Variants in SCUBE1 observed in about 807,000 individuals in gnomAD.
SCUBE1 encodes the protein signal peptide, CUB domain and EGF like domain containing 1.
A neutral mutation model predicts 124.4 loss-of-function variants in SCUBE1; 59 were observed. The observed-to-expected ratio is 0.47, with a 90% CI of 0.38 to 0.59. The LOEUF is 0.59. Ranked by LOEUF, SCUBE1 falls within the 20% of genes least tolerant of loss-of-function variation. The pLI, the probability that SCUBE1 is intolerant of heterozygous loss-of-function variation, is 0.00. For synonymous variants in SCUBE1, 545 were observed against 550.9 expected (o/e 0.99, Z 0.15); for missense variants, 1,150 against 1,371.2 (o/e 0.84, Z 2.55).
chr22:43,272,807 G>C (rs1483549071), intron 4 of SCUBE1, among the ~76,000 whole-genome samples: 1 of 152,232 alleles, frequency 6.6e-6, no homozygotes, highest in African/African-American at 2.4e-5. Flanking sequence ...TGGAAAGCTA[G>C]AACTGGAAGG....
At chr22:43,272,899 A>G (rs1473217799) in intron 4 of SCUBE1, among the ~76,000 whole-genome samples, 1 of 152,228 alleles carries the variant, frequency 6.6e-6, no homozygotes, top group Admixed American at 6.5e-5. Context: ...GTCCTGGGTC[A>G]CGCGGCTGTG....
chr22:43,269,053 C>A (rs1924187582), intron 4 of SCUBE1, among the ~76,000 whole-genome samples: 1 of 152,178 alleles, frequency 6.6e-6, no homozygotes, highest in Non-Finnish European at 1.5e-5. Context: ...GCTATACTTT[C>A]ATTCACTTGG....
Position 43,227,527 on chromosome 22 carries a change from G to A in SCUBE1, c.1085-31C>T, listed in dbSNP as rs764292607. On this transcript the variant is annotated intron_variant, in intron 9 of 21. Coordinates refer to ENST00000360835, the MANE Select transcript of SCUBE1 (RefSeq NM_173050.5). ...AGCACAGCGGGCGTAAGGGCAGAGG[G>A]GAGGCTGGCGGCTGGCGGCTGGCAG... 4.4e-6 allele frequency: 7 copies of A among 1,597,908 alleles called. No homozygotes were observed. In the Admixed American group the frequency reaches 1.2e-4, roughly 27 times the overall value.
At chr22:43,311,509 C>T (rs1158476499) in intron 3 of SCUBE1, among the ~76,000 whole-genome samples, 1 of 151,548 alleles carries the variant, frequency 6.6e-6, no homozygotes, top group Admixed American at 6.6e-5. Flanking sequence ...CAACCTCTGC[C>T]CCCCGGGTTC....
Position 43,238,898 on chromosome 22 carries a change from C to T in SCUBE1, c.784G>A (p.Gly262Ser). 6.2e-7 allele frequency: 1 copy of T among 1,613,210 alleles called. No homozygotes were observed. Among genetic ancestry groups the T allele is most frequent in the Non-Finnish European group, 8.5e-7 (1 of 1,180,036 alleles). ...CDRTCKDTAT[G>S]VRCSCPVGFT... ...CCAACGGGGCAGCTGCATCGCACGC[C>T]AGTGGCTGTGTCCTTGCATGTCCGG... Residue 262 changes from glycine (G) to serine (S), a missense_variant, in exon 7 of 22, where the codon GGC becomes AGC. By Grantham distance (56) the Gly-to-Ser change is moderately conservative. Transcript: ENST00000360835.
intron 16 of SCUBE1, 120 bp from the exon 17 acceptor site, chr22:43,212,712 A>G: frequency 3.3e-6 from 2 of 612,852 alleles, no homozygotes; most frequent in Admixed American, 3.5e-5. Context: ...TGGGCACCCG[A>G]GGCCTGGGGT....
Position 43,221,282 on chromosome 22 carries a change from G to A in SCUBE1, c.1440C>T (p.Pro480=). 3 of 1,608,136 alleles carry A rather than the reference G, an allele frequency of 1.9e-6. No homozygotes were observed. The highest frequency in any genetic ancestry group is 2.5e-6 in the Non-Finnish European group (3 of 1,179,372). The change falls in exon 13 of 22, where the codon CCC becomes CCT. Residue 480 remains proline (P), a synonymous_variant. Coordinates refer to ENST00000360835, the MANE Select transcript of SCUBE1 (RefSeq NM_173050.5). ...GGGCCTTCTGTTTGATGGGGGTGGT[G>A]GGGGCATCTGGGGAAAGCCAAAATT... ...SGLGPSCSDA[P]TTPIKQKARF...
intron 7 of SCUBE1, 124 bp downstream of exon 7, chr22:43,238,714 G>T: frequency 1.2e-6 from 1 of 820,416 alleles, no homozygotes; most frequent in African/African-American, 1.7e-5. Context: ...ATTGCCACGT[G>T]TCCTTTCCCA....
Position 43,222,706 on chromosome 22 carries a change from G to C in SCUBE1, c.1364C>G (p.Pro455Arg). Residue 455 changes from proline to arginine, a missense_variant, in exon 12 of 22, where the codon CCA becomes CGA. This residue lies in a region of SCUBE1 where 757 missense variants were observed against 840.9 expected (regional missense o/e 0.90). Transcript: ENST00000360835. The stretch of plus-strand genomic sequence containing the variant: ...CTGCAGCGCCTTGCCCTGCGGCCCT[G>C]GAACTCCGCAGCTCAGGACGTAGCT... ...ENSYVLSCGV[P>R]GPQGKALQKR... The C allele has an allele frequency of 6.2e-7, 1 of 1,606,702 alleles. No homozygotes were observed. The highest frequency in any genetic ancestry group is 8.5e-7 in the Non-Finnish European group (1 of 1,176,938).
At chr22:43,237,082 GAAGAGCA>G (rs1336322160) in intron 7 of SCUBE1, among the ~76,000 whole-genome samples, 2 of 134,932 alleles carry the variant, frequency 1.5e-5, no homozygotes. Flanking sequence ...CCGACCGCTT[GAAGAGCA>G]AAGGAAATGT....
intron 3 of SCUBE1, among the ~76,000 whole-genome samples, chr22:43,300,558 T>C (rs1315099067): frequency 1.3e-5 from 2 of 152,140 alleles, no homozygotes; most frequent in Non-Finnish European, 2.9e-5. Flanking sequence ...GATATGTCTA[T>C]TCAGGTCCTT....
chr22:43,304,281 G>A, intron 3 of SCUBE1, among the ~76,000 whole-genome samples: 1 of 152,234 alleles, frequency 6.6e-6, no homozygotes, highest in African/African-American at 2.4e-5. Context: ...TCTGTGATTA[G>A]TCACATGTAT....
intron 3 of SCUBE1, among the ~76,000 whole-genome samples, chr22:43,299,901 C>A (rs1925703175): frequency 6.6e-6 from 1 of 152,094 alleles, no homozygotes; most frequent in Non-Finnish European, 1.5e-5. Flanking sequence ...GTGTGTCTGG[C>A]TTCCTTCACT....
Position 43,209,992 on chromosome 22 carries a change from G to A in SCUBE1, c.2581+51C>T, listed in dbSNP as rs769215188. 5.9e-6 allele frequency: 9 copies of A among 1,528,136 alleles called. No individual in the cohort carries two copies. In the African/African-American group the frequency reaches 1.2e-4, roughly 21 times the overall value. 94.7% of individuals were successfully genotyped at this position (1,528,136 alleles called of 1,614,324 possible). ...GCCTGGCAGAACCGCAGCGAGACGG[G>A]GGTGCACACGCAGCTGAGGCTGCCT... is the stretch of plus-strand genomic sequence containing the variant. On this transcript the variant is annotated intron_variant, in intron 19 of 21. Transcript: ENST00000360835.
intron 4 of SCUBE1, chr22:43,270,726 G>A (rs1384830474): frequency 3.3e-5 from 5 of 152,382 alleles, no homozygotes; most frequent in South Asian, 4.1e-4. Context: ...AGGTAGAGGC[G>A]AAACTGAAAC....
At chr22:43,220,629 C>G (rs551006301) in intron 13 of SCUBE1, 42 bp from the exon 14 acceptor site, 4 of 1,604,628 alleles carry the variant, frequency 2.5e-6, no homozygotes, top group East Asian at 2.2e-5. Context: ...CGGCATGGGG[C>G]AGGGAGCAAG....
chr22:43,343,098 A>C, intron 1 of SCUBE1, 76 bp downstream of exon 1: 8 of 661,416 alleles, frequency 1.2e-5, no homozygotes, highest in Non-Finnish European at 1.2e-5. Flanking sequence ...TCCGCGGGGA[A>C]GAAGCCCTCC....
intron 3 of SCUBE1, among the ~76,000 whole-genome samples, chr22:43,319,060 G>A (rs1352552190): frequency 6.6e-6 from 1 of 152,062 alleles, no homozygotes; most frequent in Non-Finnish European, 1.5e-5. Flanking sequence ...AAATGTATTT[G>A]GACCATGAGA....
Position 43,203,364 on chromosome 22 carries a change from ATATATATATT to A in SCUBE1, c.*623_*632del, listed in dbSNP as rs1350805392. 6.8e-6 allele frequency: 1 copy of A among 147,916 alleles called. No individual in the cohort carries two copies. Among genetic ancestry groups the A allele is most frequent in the Non-Finnish European group, 1.5e-5 (1 of 67,014 alleles). The allele number at this position is 147,916 out of a possible 1,614,324, so 9.2% of individuals were successfully genotyped here. On this transcript the variant is annotated 3_prime_UTR_variant, in exon 22 of 22. Transcript: ENST00000360835. ...CTAAAGTACCCACAAATAGAAGTATATATATATATTTATATATATATTTATATATATATAT... is the reference window on the plus strand; with the variant it reads ...CTAAAGTACCCACAAATAGAAGTATATATATATATATTTATATATATATAT...
Sources: allele counts gnomAD v4.1 joint callset (sites outside exome capture counted in the v4.1 genomes callset), GRCh38; gene constraint gnomAD v4.1.1; regional missense constraint gnomAD v4.1.1; transcripts MANE v1.5; gene names NCBI Gene and HGNC (gene_info 2026-07-23, HGNC 2026-07-21).